DIP2C: variants seen among roughly 807,000 people sequenced by gnomAD.
DIP2C encodes the protein disco-interacting protein 2 homolog C.
DIP2C carries 33 observed loss-of-function variants against 192.4 expected under a neutral mutation model. The ratio of observed to expected loss-of-function variants is 0.17; its 90% CI spans 0.13 to 0.23. The LOEUF is 0.23. Among genes scored for constraint, DIP2C ranks in the 10% least tolerant of loss-of-function variants. DIP2C has a pLI of 1.00. For missense variants in DIP2C, 1,537 were observed against 2,110.1 expected (o/e 0.73, Z 5.32); for synonymous variants, 979 against 864.1 (o/e 1.13, Z -2.33).
At chr10:517,437 C>T (rs1459130298) in intron 1 of DIP2C, among the ~76,000 whole-genome samples, 1 of 152,168 alleles carries the variant, frequency 6.6e-6, no homozygotes, top group African/African-American at 2.4e-5. Flanking sequence ...GCCCGACGCT[C>T]CGCCCCACAC....
At chr10:330,291 G>T (rs6560826) in intron 29 of DIP2C, among the ~76,000 whole-genome samples, 146,686 of 152,234 alleles carry the variant, frequency 0.96, 70,875 homozygotes, top group East Asian at 1. Context: ...GAAAAATAAC[G>T]ATTCTTTAAT....
chr10:609,513 C>G (rs942542982), intron 1 of DIP2C, among the ~76,000 whole-genome samples: 26 of 152,300 alleles, frequency 1.7e-4, no homozygotes, highest in African/African-American at 6.0e-4. Flanking sequence ...TCTTCTCAAA[C>G]CCACTTAAGA....
chr10:542,266 A>G (rs565027513), intron 1 of DIP2C, among the ~76,000 whole-genome samples: 2 of 152,316 alleles, frequency 1.3e-5, no homozygotes, highest in East Asian at 3.9e-4. Context: ...ATCAACCAGG[A>G]GGCACTGCTG....
At chr10:598,882 T>G (rs1049499123) in intron 1 of DIP2C, among the ~76,000 whole-genome samples, 26 of 152,254 alleles carry the variant, frequency 1.7e-4, no homozygotes, top group African/African-American at 6.0e-4. Flanking sequence ...ACTAGCAGAA[T>G]AGAGCCATGT....
chr10:548,109 G>C (rs927131941), intron 1 of DIP2C, among the ~76,000 whole-genome samples: 4 of 152,070 alleles, frequency 2.6e-5, no homozygotes, highest in Non-Finnish European at 4.4e-5. Context: ...GAGCAAACCA[G>C]GTGGTGTGGT....
intron 1 of DIP2C, among the ~76,000 whole-genome samples, chr10:614,152 G>C (rs190524950): frequency 2.0e-5 from 3 of 152,222 alleles, no homozygotes; most frequent in Non-Finnish European, 4.4e-5. Context: ...ATGGAGGCAT[G>C]TCAGGTTCCA....
At chr10:413,311 T>C (rs1965305727) in intron 8 of DIP2C, among the ~76,000 whole-genome samples, 1 of 152,106 alleles carries the variant, frequency 6.6e-6, no homozygotes, top group South Asian at 2.1e-4. Flanking sequence ...GGAAAGGCGG[T>C]TTCTCTGGCC....
intron 32 of DIP2C, 124 bp from the exon 33 acceptor site, chr10:288,545 AG>A: frequency 1.0e-6 from 1 of 992,396 alleles, no homozygotes; most frequent in East Asian, 2.5e-5. Context: ...ATCATCCAAC[AG>A]CAAGGACGAA....
Position 337,799 on chromosome 10 carries a change from A to AG in DIP2C, c.3584+3399_3584+3400insC, listed in dbSNP as rs1564577006. On this transcript the variant is annotated intron_variant, in intron 29 of 36. Transcript: ENST00000280886. ...AAGGCCTAGGCAGCTGTGTGTGTGC[A>AG]CGTGTGTCGTGGAGGCCTACGCAGC... Among the ~76,000 whole-genome samples the AG allele has an allele frequency of 3.6e-3, 60 of 16,712 alleles. 2 individuals carry two copies. Among genetic ancestry groups the AG allele is most frequent in the African/African-American group, 0.018 (55 of 3,134 alleles). The allele number at this position is 16,712 out of a possible 152,430, so 11.0% of individuals were successfully genotyped here.
At chr10:284,634 G>C (rs1175619302) in intron 34 of DIP2C, among the ~76,000 whole-genome samples, 4 of 152,166 alleles carry the variant, frequency 2.6e-5, no homozygotes, top group Middle Eastern at 3.2e-3. Context: ...CAAACCCTCA[G>C]TTAGAGGGCA....
At chr10:480,365 C>CG (rs541060616) in intron 2 of DIP2C, among the ~76,000 whole-genome samples, 2 of 148,892 alleles carry the variant, frequency 1.3e-5, no homozygotes, top group South Asian at 2.2e-4. Flanking sequence ...GCCTGAGCTC[C>CG]GGTCCATGCT....
chr10:529,499 C>A (rs1847248336), intron 1 of DIP2C, among the ~76,000 whole-genome samples: 1 of 152,122 alleles, frequency 6.6e-6, no homozygotes, highest in Non-Finnish European at 1.5e-5. Context: ...AAATAGACAA[C>A]CTATTTTACT....
intron 4 of DIP2C, among the ~76,000 whole-genome samples, chr10:434,133 G>A (rs1966982495): frequency 6.6e-6 from 1 of 152,070 alleles, no homozygotes; most frequent in African/African-American, 2.4e-5. Context: ...TATCACTGCT[G>A]TCATTCATTT....
At chr10:369,123 C>T (rs527426702) in intron 18 of DIP2C, among the ~76,000 whole-genome samples, 5 of 152,366 alleles carry the variant, frequency 3.3e-5, no homozygotes, top group East Asian at 3.9e-4. Context: ...TGGCGGAAGC[C>T]GAGCTTGGCT....
rs746895428 is a variant in DIP2C, at chr10:382,634, C to T, written c.1991+13G>A. On this transcript the variant is annotated intron_variant, in intron 17 of 36. Transcript: ENST00000280886. ...TCTCTAGGTTATCTACGTAAATCAA[C>T]ATGACCCAGTACCTCCGGATGGCCA... The T allele has an allele frequency of 6.2e-7, 1 of 1,602,508 alleles. No homozygotes were observed. The highest frequency in any genetic ancestry group is 1.1e-5 in the South Asian group (1 of 90,088).
intron 7 of DIP2C, 77 bp downstream of exon 7, chr10:415,692 C>G (rs1387243352): frequency 2.6e-6 from 4 of 1,567,480 alleles, no homozygotes; most frequent in African/African-American, 1.4e-5. Context: ...AGTAAAATAG[C>G]CTTGCAGAAA....
intron 17 of DIP2C, among the ~76,000 whole-genome samples, chr10:379,153 T>C (rs1962055368): frequency 1.7e-5 from 2 of 118,308 alleles, no homozygotes; most frequent in Admixed American, 1.1e-4. Flanking sequence ...CACATACCCA[T>C]CGCCAGGGCT....
chr10:480,454 G>C (rs1049920485), intron 2 of DIP2C, among the ~76,000 whole-genome samples: 1 of 152,188 alleles, frequency 6.6e-6, no homozygotes. Flanking sequence ...CCTGAGCCCT[G>C]GTCCATGCTC....
intron 36 of DIP2C, among the ~76,000 whole-genome samples, chr10:279,477 C>G (rs1419323911): frequency 6.6e-6 from 1 of 152,238 alleles, no homozygotes; most frequent in Non-Finnish European, 1.5e-5. Flanking sequence ...GTGCCAGTGA[C>G]TCTCAGAGCT....
Sources: gnomAD v4.1 joint callset for allele counts (sites outside exome capture counted in the v4.1 genomes callset) on GRCh38, gnomAD v4.1.1 for gene constraint, MANE v1.5 for transcripts, NCBI Gene and HGNC (gene_info 2026-07-23, HGNC 2026-07-21) for gene names.